PTCHD4: variants seen among roughly 807,000 people sequenced by gnomAD.
PTCHD4 encodes patched domain containing 4, also known as patched domain-containing protein 4.
Under a neutral mutation model 58.1 loss-of-function variants are expected in PTCHD4, and 33 were observed. The ratio of observed to expected loss-of-function variants is 0.57; its 90% confidence interval spans 0.43 to 0.76. The LOEUF (loss-of-function observed/expected upper bound fraction) is 0.76, where lower values mean the gene tolerates loss of function less well. PTCHD4 is among the 30% of genes least tolerant of loss of function. The probability of loss-of-function intolerance (pLI) is 0.00; values close to 1 mark genes in which losing one functional copy is unlikely to be tolerated. For synonymous variants in PTCHD4, 478 were observed against 409.6 expected (o/e 1.17, Z -2.02); for missense variants, 1,058 against 1,027.1 (o/e 1.03, Z -0.41).
At chr6:48,004,488 T>A (rs920398067) in intron 4 of PTCHD4, among the ~76,000 whole-genome samples, 1 of 152,076 alleles carries the variant, frequency 6.6e-6, no homozygotes, top group Non-Finnish European at 1.5e-5. Flanking sequence ...AGGAAACACA[T>A]CCACATAAAG....
At chr6:47,911,325 C>T (rs938818538) in intron 4 of PTCHD4, among the ~76,000 whole-genome samples, 1 of 152,086 alleles carries the variant, frequency 6.6e-6, no homozygotes, top group African/African-American at 2.4e-5. Context: ...GTAAACCTAC[C>T]ACTCCCCACC....
chr6:47,877,266 C>T lies in PTCHD4; in HGVS notation c.*1037G>A, dbSNP rs537368080. Among the ~76,000 whole-genome samples the T allele has an allele frequency of 7.9e-5, 12 of 151,920 alleles. No individual in the cohort carries two copies. Among genetic ancestry groups the T allele is most frequent in the Non-Finnish European group, 1.5e-4 (10 of 67,956 alleles). On this transcript the variant is annotated 3_prime_UTR_variant, in exon 5 of 5. Transcript: ENST00000339488. ...TTATTTTCCCTATCTAAAATAAGAA[C>T]GGTGTAACTATGGAGTACCCCAACT...
chr6:47,915,770 C>G (rs1248568245), intron 4 of PTCHD4, among the ~76,000 whole-genome samples: 1 of 151,966 alleles, frequency 6.6e-6, no homozygotes, highest in Non-Finnish European at 1.5e-5. Flanking sequence ...AGCATTGCCC[C>G]GTACTGGCAC....
At chr6:48,050,841 G>C (rs999932091) in intron 3 of PTCHD4, among the ~76,000 whole-genome samples, 1 of 151,976 alleles carries the variant, frequency 6.6e-6, no homozygotes, top group Non-Finnish European at 1.5e-5. Context: ...TAATTACTGA[G>C]ATAACTAAAA....
intron 4 of PTCHD4, among the ~76,000 whole-genome samples, chr6:48,002,516 A>G (rs1220095512): frequency 6.6e-6 from 1 of 151,134 alleles, no homozygotes; most frequent in South Asian, 2.1e-4. Flanking sequence ...AGGACAAAAA[A>G]CCATACACCG....
chr6:47,973,486 A>G (rs780877510), intron 4 of PTCHD4, among the ~76,000 whole-genome samples: 2 of 152,336 alleles, frequency 1.3e-5, no homozygotes, highest in African/African-American at 4.8e-5. Flanking sequence ...AAACAACTTA[A>G]CAACCGGGAA....
In PTCHD4 at chr6:47,858,253, C is replaced by T. The variant is rs1561922404; in HGVS notation, c.*20050G>A. ...GCACCCCCAATTTTGGATTCAGGGG[C>T]AGACATAAGAAGAAAATCTGATTTG... On this transcript the variant is annotated 3_prime_UTR_variant, in exon 5 of 5. Coordinates refer to ENST00000339488, the MANE Select transcript of PTCHD4 (RefSeq NM_001384253.1). 6.6e-6 allele frequency among the ~76,000 whole-genome samples: 1 copy of T among 151,934 alleles called. No individual in the cohort carries two copies. Among genetic ancestry groups the T allele is most frequent in the Non-Finnish European group, 1.5e-5 (1 of 67,932 alleles).
chr6:48,015,861 T>C (rs1170953766), intron 3 of PTCHD4, among the ~76,000 whole-genome samples: 1 of 151,898 alleles, frequency 6.6e-6, no homozygotes, highest in Non-Finnish European at 1.5e-5. Flanking sequence ...TTCCATAATA[T>C]TTATTAGCTG....
chr6:47,878,576 C>T lies in PTCHD4; in HGVS notation c.2259G>A (p.Gly753=). 6.2e-7 allele frequency: 1 copy of T among 1,613,558 alleles called. No individual in the cohort carries two copies. Among genetic ancestry groups the T allele is most frequent in the Non-Finnish European group, 8.5e-7 (1 of 1,179,722 alleles). The change falls in exon 5 of 5, where the codon GGG becomes GGA. Residue 753 remains glycine, a synonymous_variant. Transcript: ENST00000339488. The part of the protein sequence containing the change: ...QCIKSSLQDH[G]TAILQNVTSF... ...AAGTAACATTTTGCAAAATGGCTGT[C>T]CCATGGTCTTGCAAGGAGCTTTTTA...
intron 4 of PTCHD4, chr6:47,901,446 A>G: frequency 1.0e-6 from 1 of 981,166 alleles, no homozygotes; most frequent in Non-Finnish European, 1.2e-6. Context: ...TTGCCAGGTA[A>G]CCTCCTTCAT....
intron 3 of PTCHD4, among the ~76,000 whole-genome samples, chr6:48,037,134 G>A (rs1373574718): frequency 6.6e-6 from 1 of 152,102 alleles, no homozygotes; most frequent in African/African-American, 2.4e-5. Context: ...TGTAGGCATT[G>A]TATTATCTCA....
At chr6:47,904,660 T>C (rs1337197430) in intron 4 of PTCHD4, among the ~76,000 whole-genome samples, 2 of 152,238 alleles carry the variant, frequency 1.3e-5, no homozygotes, top group African/African-American at 2.4e-5. Flanking sequence ...GGATTATTTC[T>C]GGGTTGTAGT....
At chr6:48,038,462 TGAAACCCCA>T (rs1763725686) in intron 3 of PTCHD4, among the ~76,000 whole-genome samples, 1 of 151,542 alleles carries the variant, frequency 6.6e-6, no homozygotes, top group Non-Finnish European at 1.5e-5. Flanking sequence ...GCAAACATGG[TGAAACCCCA>T]TCTCTACTTA....
intron 3 of PTCHD4, among the ~76,000 whole-genome samples, chr6:48,016,845 A>G (rs1017959634): frequency 1.3e-5 from 2 of 152,198 alleles, no homozygotes; most frequent in Admixed American, 6.5e-5. Flanking sequence ...TTACTTGATG[A>G]TGGTTTGAAA....
In PTCHD4 at chr6:47,857,817, A is replaced by G. The variant is rs1033822759; in HGVS notation, c.*20486T>C. Among the ~76,000 whole-genome samples the G allele has an allele frequency of 5.9e-5, 9 of 152,002 alleles. No homozygotes were observed. Among genetic ancestry groups the G allele is most frequent in the African/African-American group, 2.2e-4 (9 of 41,418 alleles). On this transcript the variant is annotated 3_prime_UTR_variant, in exon 5 of 5. Coordinates refer to ENST00000339488, the MANE Select transcript of PTCHD4 (RefSeq NM_001384253.1). Reference sequence around the variant, plus strand: ...TAAACATACAAATGATTGGCATTAAACATTCTTTTTACAAGCTGGTACTTT... The same window carrying G: ...TAAACATACAAATGATTGGCATTAAGCATTCTTTTTACAAGCTGGTACTTT...
At chr6:48,039,215 G>C (rs1261931668) in intron 3 of PTCHD4, among the ~76,000 whole-genome samples, 1 of 151,980 alleles carries the variant, frequency 6.6e-6, no homozygotes, top group Non-Finnish European at 1.5e-5. Context: ...TAACATAAAA[G>C]GAAAGGAACC....
Position 48,069,006 on chromosome 6 carries a change from T to C in PTCHD4, c.-49A>G, listed in dbSNP as rs909681650. Among the ~76,000 whole-genome samples, 1 of 150,124 alleles carries C rather than the reference T, an allele frequency of 6.7e-6. No homozygotes were observed. The highest frequency in any genetic ancestry group is 1.5e-5 in the Non-Finnish European group (1 of 67,552). On this transcript the variant is annotated 5_prime_UTR_variant, in exon 2 of 5. Coordinates refer to ENST00000339488, the MANE Select transcript of PTCHD4 (RefSeq NM_001384253.1). ...CCTTCATCTCGGTGCTGCAGTCCCC[T>C]GGCCTCCCTCGCTGGAGGTGGTTCC...
chr6:48,108,496 A>T (rs967263185), intron 1 of PTCHD4, among the ~76,000 whole-genome samples: 4 of 152,116 alleles, frequency 2.6e-5, no homozygotes, highest in South Asian at 2.1e-4. Flanking sequence ...AGGTATACCT[A>T]ATGCTAAATG....
intron 4 of PTCHD4, among the ~76,000 whole-genome samples, chr6:47,944,239 T>C (rs1326150492): frequency 6.6e-6 from 1 of 152,142 alleles, no homozygotes; most frequent in Non-Finnish European, 1.5e-5. Flanking sequence ...CTAACCTGCC[T>C]ACAATTGCAC....
Sources: gnomAD v4.1 joint callset for allele counts (sites outside exome capture counted in the v4.1 genomes callset) on GRCh38, gnomAD v4.1.1 for gene constraint, MANE v1.5 for transcripts, NCBI Gene and HGNC (gene_info 2026-07-23, HGNC 2026-07-21) for gene names.